KDM4C: variants seen among roughly 807,000 people sequenced by gnomAD.
KDM4C encodes the protein lysine demethylase 4C, also known as lysine-specific demethylase 4C.
A neutral mutation model predicts 129.3 loss-of-function variants in KDM4C; 81 were observed. That is an observed-to-expected ratio of 0.63 (90% CI 0.52 to 0.75). KDM4C has a LOEUF of 0.75. KDM4C is among the 30% of genes least tolerant of loss of function. The probability of loss-of-function intolerance (pLI) is 0.00; values close to 1 mark genes in which losing one functional copy is unlikely to be tolerated. For synonymous variants in KDM4C, 573 were observed against 456.1 expected (o/e 1.26, Z -3.26); for missense variants, 1,457 against 1,304.0 (o/e 1.12, Z -1.81).
At chr9:6,967,518 G>T (rs1305473032) in intron 8 of KDM4C, among the ~76,000 whole-genome samples, 1 of 151,854 alleles carries the variant, frequency 6.6e-6, no homozygotes, top group Non-Finnish European at 1.5e-5. Context: ...ATGTACAGTT[G>T]TTCCTAGTAA....
intron 1 of KDM4C, chr9:6,734,530 G>A (rs1028467947): frequency 1.1e-5 from 2 of 178,826 alleles, no homozygotes; most frequent in African/African-American, 4.8e-5. Context: ...CTGATCTCAG[G>A]TGATCCTCCT....
chr9:6,743,254 G>C (rs1259084769), intron 1 of KDM4C, among the ~76,000 whole-genome samples: 1 of 152,126 alleles, frequency 6.6e-6, no homozygotes, highest in Non-Finnish European at 1.5e-5. Flanking sequence ...AGTGGTGGGG[G>C]CTTTACCCCT....
In KDM4C at chr9:6,788,704, C is replaced by T. The variant is rs956583633; in HGVS notation, c.-17-4268C>T. ...AGGGCTTAAAGAGGTGGCGAGCCGG[C>T]ATTTCCCTGGAGGAGCTGATGGCTC... On this transcript the variant is annotated intron_variant, in intron 1 of 21. Transcript: ENST00000381309. Among the ~76,000 whole-genome samples the T allele has an allele frequency of 1.1e-4, 17 of 152,296 alleles. No individual in the cohort carries two copies. The East Asian group carries it at 2.1e-3, about 19-fold the overall frequency.
chr9:6,740,829 T>C (rs1351302089), intron 1 of KDM4C, among the ~76,000 whole-genome samples: 2 of 100,298 alleles, frequency 2.0e-5, no homozygotes, highest in East Asian at 2.3e-4. Context: ...AGTAGTATAA[T>C]TATTTTCTTT....
chr9:6,721,148 A>C, intron 1 of KDM4C: 1 of 598,776 alleles, frequency 1.7e-6, no homozygotes, highest in Non-Finnish European at 2.9e-6. Flanking sequence ...ATCACACCTC[A>C]CTGCAGCCTC....
chr9:7,112,605 AG>A (rs1168791485), intron 18 of KDM4C, among the ~76,000 whole-genome samples: 1 of 152,212 alleles, frequency 6.6e-6, no homozygotes, highest in East Asian at 1.9e-4. Context: ...TGTCACTTTC[AG>A]TGTGCCCATC....
At chr9:7,139,860 CAG>C (rs757247159) in intron 19 of KDM4C, among the ~76,000 whole-genome samples, 20 of 152,070 alleles carry the variant, frequency 1.3e-4, no homozygotes, top group African/African-American at 4.6e-4. Flanking sequence ...TAATTTGACT[CAG>C]GGGCATAAGG....
In KDM4C at chr9:7,015,838, A is replaced by G. The variant is rs2132187810; in HGVS notation, c.2183-15A>G. On this transcript the variant is annotated splice_polypyrimidine_tract_variant and intron_variant, in intron 14 of 21. Transcript: ENST00000381309. Reference sequence around the variant, plus strand: ...AAAAAGACCTAACGCATGGATACATACTATTATTTTATAGGTTGTTATGGT... The same window carrying G: ...AAAAAGACCTAACGCATGGATACATGCTATTATTTTATAGGTTGTTATGGT... 2 of 1,571,956 alleles carry G rather than the reference A, an allele frequency of 1.3e-6. No homozygotes were observed. The highest frequency in any genetic ancestry group is 2.2e-5 in the East Asian group (1 of 44,618).
At chr9:6,754,765 A>G (rs979541262), upstream of KDM4C, among the ~76,000 whole-genome samples, 2 of 151,536 alleles carry the variant, frequency 1.3e-5, no homozygotes, top group Non-Finnish European at 2.9e-5. Context: ...AGTCCCAGCT[A>G]CATGGGAGGC....
intron 21 of KDM4C, among the ~76,000 whole-genome samples, chr9:7,172,828 C>T (rs192569409): frequency 4.5e-4 from 69 of 152,326 alleles, no homozygotes; most frequent in Non-Finnish European, 5.4e-4. Flanking sequence ...CTGCCAGCAG[C>T]CAGGGGAAGC....
At chr9:6,733,297 A>G (rs1221026862) in intron 1 of KDM4C, among the ~76,000 whole-genome samples, 16 of 152,220 alleles carry the variant, frequency 1.1e-4, no homozygotes, top group Non-Finnish European at 1.6e-4. Flanking sequence ...CTGGGTCACA[A>G]TTGCCTACAG....
chr9:6,856,132 A>C (rs903433775), intron 5 of KDM4C, among the ~76,000 whole-genome samples: 1 of 152,094 alleles, frequency 6.6e-6, no homozygotes, highest in Non-Finnish European at 1.5e-5. Context: ...ACATTTGCTC[A>C]GTGAACAGTC....
intron 17 of KDM4C, chr9:7,076,487 A>T (rs753663223): frequency 1.3e-6 from 2 of 1,550,222 alleles, no homozygotes; most frequent in South Asian, 2.4e-5. Flanking sequence ...AATAACAATG[A>T]AGGCTCACTG....
chr9:6,857,316 A>G lies in KDM4C; in HGVS notation c.629+7616A>G, dbSNP rs531590678. Among the ~76,000 whole-genome samples, 66 of 152,352 alleles carry G rather than the reference A, an allele frequency of 4.3e-4. 2 individuals carry two copies. Among genetic ancestry groups the G allele is most frequent in the Non-Finnish European group, 4.4e-5 (3 of 68,026 alleles). On this transcript the variant is annotated intron_variant, in intron 5 of 21. Transcript: ENST00000381309. ...CAAACCCCAAAACAGAAAAGATAAT[A>G]TTGCTAATAAAATTTAAAAAGTGTT...
chr9:7,028,912 A>T (rs1826258506), intron 15 of KDM4C, among the ~76,000 whole-genome samples: 1 of 149,742 alleles, frequency 6.7e-6, no homozygotes, highest in Non-Finnish European at 1.5e-5. Flanking sequence ...TTGCCAGGGG[A>T]TAAGGGAGGG....
intron 1 of KDM4C, among the ~76,000 whole-genome samples, chr9:6,779,214 G>C (rs1823782402): frequency 1.3e-5 from 2 of 150,208 alleles, no homozygotes; most frequent in Admixed American, 1.3e-4. Flanking sequence ...ATTTTTAGTA[G>C]AGATGGGGTT....
intron 2 of KDM4C, among the ~76,000 whole-genome samples, chr9:6,795,598 C>T (rs569557030): frequency 1.3e-5 from 2 of 152,082 alleles, no homozygotes; most frequent in South Asian, 4.1e-4. Context: ...TCCCAAAATG[C>T]TGGGATTATA....
chr9:6,988,866 C>T (rs1398419701), intron 11 of KDM4C, among the ~76,000 whole-genome samples: 2 of 152,018 alleles, frequency 1.3e-5, no homozygotes, highest in Non-Finnish European at 2.9e-5. Context: ...CTCTGATTAC[C>T]CTATAAAACT....
chr9:6,854,299 C>T (rs1162829948), intron 5 of KDM4C, among the ~76,000 whole-genome samples: 4 of 151,906 alleles, frequency 2.6e-5, no homozygotes, highest in Non-Finnish European at 5.9e-5. Context: ...GAGGCCGAGG[C>T]GGGCGGATCA....
Sources: gnomAD v4.1 joint callset for allele counts (sites outside exome capture counted in the v4.1 genomes callset) on GRCh38, gnomAD v4.1.1 for gene constraint, MANE v1.5 for transcripts, NCBI Gene and HGNC (gene_info 2026-07-23, HGNC 2026-07-21) for gene names.